The following LINGO2 variants were observed in gnomAD, a reference collection of about 807,000 sequenced individuals.
The protein encoded by LINGO2 is leucine-rich repeat and immunoglobulin-like domain-containing nogo receptor-interacting protein 2.
In LINGO2, 14 loss-of-function variants were observed where a neutral mutation model predicts 30.6. That is an observed-to-expected ratio of 0.46 (90% CI 0.30 to 0.72). The LOEUF (loss-of-function observed/expected upper bound fraction) is 0.72, where lower values mean the gene tolerates loss of function less well. LINGO2 is among the 30% of genes least tolerant of loss of function. LINGO2 has a pLI of 0.07. For synonymous variants in LINGO2, 317 were observed against 288.5 expected (o/e 1.10, Z -1.00); for missense variants, 729 against 751.7 (o/e 0.97, Z 0.35).
chr9:28,410,159 CAG>C (rs926687523), intron 2 of LINGO2, among the ~76,000 whole-genome samples: 2 of 149,172 alleles, frequency 1.3e-5, no homozygotes, highest in Non-Finnish European at 3.0e-5. Context: ...GAAAAAGTAA[CAG>C]AGAAAGAGAA....
chr9:28,998,807 T>A, the LINGO2 span, among the ~76,000 whole-genome samples: 1 of 152,082 alleles, frequency 6.6e-6, no homozygotes, highest in East Asian at 1.9e-4. Flanking sequence ...AAACAGGAAT[T>A]CTTAAGGCCA....
the LINGO2 span, among the ~76,000 whole-genome samples, chr9:28,937,365 CTTCCA>C: frequency 6.6e-6 from 1 of 152,130 alleles, no homozygotes; most frequent in Non-Finnish European, 1.5e-5. Flanking sequence ...AAGGTATGTG[CTTCCA>C]GAATAAAATG....
chr9:28,684,173 A>ATCTTTT, the LINGO2 span, among the ~76,000 whole-genome samples: 1 of 52,984 alleles, frequency 1.9e-5, no homozygotes, highest in Admixed American at 2.0e-4. Context: ...TAAAATGTTT[A>ATCTTTT]TCTTTTTTTT....
chr9:28,599,543 T>A (rs182983281), intron 1 of LINGO2, among the ~76,000 whole-genome samples: 4 of 152,256 alleles, frequency 2.6e-5, no homozygotes, highest in South Asian at 4.1e-4. Flanking sequence ...AGCTTTTTTT[T>A]AATATTTAAA....
chr9:27,979,398 C>T (rs766477558), intron 5 of LINGO2, among the ~76,000 whole-genome samples: 2 of 151,956 alleles, frequency 1.3e-5, no homozygotes, highest in Non-Finnish European at 2.9e-5. Flanking sequence ...GGTTGGTATA[C>T]TCCTGGGTCA....
chr9:28,017,690 A>C (rs1822907681), intron 4 of LINGO2, among the ~76,000 whole-genome samples: 1 of 152,182 alleles, frequency 6.6e-6, no homozygotes, highest in African/African-American at 2.4e-5. Flanking sequence ...GAATTTCAAA[A>C]CACTGCTTAA....
chr9:29,090,806 T>A, the LINGO2 span, among the ~76,000 whole-genome samples: 1 of 152,008 alleles, frequency 6.6e-6, no homozygotes, highest in Non-Finnish European at 1.5e-5. Flanking sequence ...TTACTCAATG[T>A]CACTAGATTA....
chr9:28,509,249 C>T (rs1037637708), intron 1 of LINGO2, among the ~76,000 whole-genome samples: 2 of 152,158 alleles, frequency 1.3e-5, no homozygotes, highest in African/African-American at 4.8e-5. Flanking sequence ...GTCCAATGGG[C>T]TACCTCTGAA....
At chr9:28,617,514 C>G (rs1225548987) in intron 1 of LINGO2, among the ~76,000 whole-genome samples, 2 of 152,022 alleles carry the variant, frequency 1.3e-5, no homozygotes, top group African/African-American at 2.4e-5. Context: ...TCAGGATGGT[C>G]TCGATCTCCT....
the LINGO2 span, among the ~76,000 whole-genome samples, chr9:28,889,368 T>G: frequency 6.6e-6 from 1 of 152,084 alleles, no homozygotes; most frequent in East Asian, 1.9e-4. Flanking sequence ...AGATCAGAAT[T>G]CTAGCCCTAC....
At chr9:28,474,967 A>AT (rs1474323870) in intron 2 of LINGO2, among the ~76,000 whole-genome samples, 6 of 152,232 alleles carry the variant, frequency 3.9e-5, no homozygotes, top group African/African-American at 1.4e-4. Flanking sequence ...TTATCATTTC[A>AT]TTTTTTCTAG....
intron 3 of LINGO2, among the ~76,000 whole-genome samples, chr9:28,327,073 T>G (rs569495533): frequency 2.9e-4 from 44 of 152,270 alleles, no homozygotes; most frequent in African/African-American, 1.1e-3. Flanking sequence ...CCCTCATGAA[T>G]GGGATTAGTA....
intron 5 of LINGO2, among the ~76,000 whole-genome samples, chr9:27,961,606 G>T (rs539897017): frequency 1.4e-4 from 22 of 152,262 alleles, no homozygotes; most frequent in South Asian, 1.2e-3. Context: ...GAGAGCAATG[G>T]CAAGCCATTA....
chr9:28,692,994 T>A, the LINGO2 span, among the ~76,000 whole-genome samples: 1 of 152,270 alleles, frequency 6.6e-6, no homozygotes, highest in South Asian at 2.1e-4. Flanking sequence ...TATTTTTTGA[T>A]GACGAGAATT....
the LINGO2 span, among the ~76,000 whole-genome samples, chr9:28,683,189 C>T: frequency 2.5e-4 from 38 of 152,220 alleles, no homozygotes; most frequent in African/African-American, 7.7e-4. Context: ...TGCCCATACC[C>T]TATTGTATTG....
At chr9:29,138,143 C>G in the LINGO2 span, among the ~76,000 whole-genome samples, 1 of 151,834 alleles carries the variant, frequency 6.6e-6, no homozygotes, top group Non-Finnish European at 1.5e-5. Flanking sequence ...CTCAATCAAA[C>G]AGTACTATAT....
At chr9:28,517,769 A>G (rs922310314) in intron 1 of LINGO2, among the ~76,000 whole-genome samples, 4 of 152,158 alleles carry the variant, frequency 2.6e-5, no homozygotes, top group Non-Finnish European at 2.9e-5. Context: ...TGCTTGAAGC[A>G]TATTTTCACA....
At chr9:29,125,653 C>T in the LINGO2 span, among the ~76,000 whole-genome samples, 2 of 151,956 alleles carry the variant, frequency 1.3e-5, no homozygotes, top group African/African-American at 4.8e-5. Flanking sequence ...CACTTATTGA[C>T]AATTTAACAT....
chr9:27,945,990 A>G (rs940253202), downstream of LINGO2, among the ~76,000 whole-genome samples: 4 of 152,164 alleles, frequency 2.6e-5, no homozygotes, highest in African/African-American at 9.7e-5. Context: ...TCGGAGGCCA[A>G]TTCAAACAGT....
Sources: gnomAD v4.1 joint callset for allele counts (sites outside exome capture counted in the v4.1 genomes callset) on GRCh38, gnomAD v4.1.1 for gene constraint, MANE v1.5 for transcripts, NCBI Gene and HGNC (gene_info 2026-07-23, HGNC 2026-07-21) for gene names.